Variants in SORL1 observed in about 807,000 individuals in gnomAD.
The protein encoded by SORL1 is sortilin-related receptor.
Under a neutral mutation model 273.7 loss-of-function variants are expected in SORL1, and 127 were observed. The ratio of observed to expected loss-of-function variants is 0.46; its 90% confidence interval spans 0.40 to 0.54. The LOEUF (loss-of-function observed/expected upper bound fraction) is 0.54. SORL1 is among the 20% of genes least tolerant of loss of function. The pLI is 0.00. For synonymous variants in SORL1, 1,031 were observed against 1,067.4 expected (o/e 0.97, Z 0.66); for missense variants, 2,494 against 2,846.1 (o/e 0.88, Z 2.81).
Position 121,604,254 on chromosome 11 carries a change from C to T in SORL1, c.4581C>T (p.Cys1527=). 2 of 1,614,110 alleles carry T rather than the reference C, an allele frequency of 1.2e-6. No individual in the cohort carries two copies. Among genetic ancestry groups the T allele is most frequent in the South Asian group, 2.2e-5 (2 of 91,086 alleles). ...REFQCEDGEA[C]IVLSERCDGF... is the part of the protein sequence containing the mutation. ...TCCAGTGCGAGGACGGGGAGGCCTG[C>T]ATTGTGCTCTCGGAGCGCTGCGACG... Residue 1527 remains cysteine (C), a synonymous_variant, in exon 33 of 48, where the codon TGC becomes TGT. Coordinates refer to ENST00000260197, the MANE Select transcript of SORL1 (RefSeq NM_003105.6).
At chr11:121,496,594 T>C (rs1861632255) in intron 5 of SORL1, among the ~76,000 whole-genome samples, 1 of 152,240 alleles carries the variant, frequency 6.6e-6, no homozygotes, top group Non-Finnish European at 1.5e-5. Context: ...TATCTTGTAC[T>C]ACTACTTTTT....
intron 23 of SORL1, among the ~76,000 whole-genome samples, chr11:121,570,660 C>T (rs893233922): frequency 1.3e-5 from 2 of 152,082 alleles, no homozygotes; most frequent in African/African-American, 4.8e-5. Context: ...AATATTCAGC[C>T]TTTTTAGGGA....
Position 121,498,681 on chromosome 11 carries a change from G to A in SORL1, c.939+1632G>A, listed in dbSNP as rs569009390. Among the ~76,000 whole-genome samples the A allele has an allele frequency of 6.6e-5, 10 of 152,188 alleles. No individual in the cohort carries two copies. The East Asian group carries it at 1.9e-3, about 29-fold the overall frequency. ...ACTTGAGGTCAGTAGTTTGAGACGA[G>A]CCTGGTCAACATGGTGAAACCCCGT... On this transcript the variant is annotated intron_variant, in intron 6 of 47. Transcript: ENST00000260197.
chr11:121,625,867 C>A (rs1036758471), intron 46 of SORL1, among the ~76,000 whole-genome samples: 5 of 152,116 alleles, frequency 3.3e-5, no homozygotes, highest in African/African-American at 7.2e-5. Context: ...AGGATTTCAA[C>A]AAATGTTTTG....
At chr11:121,494,788 G>A (rs1861603406) in intron 5 of SORL1, among the ~76,000 whole-genome samples, 1 of 152,004 alleles carries the variant, frequency 6.6e-6, no homozygotes, top group Admixed American at 6.6e-5. Context: ...ATAGAGGTGA[G>A]CTGGGTCTCA....
At chr11:121,497,137 C>A in intron 6 of SORL1, 88 bp downstream of exon 6, 1 of 1,113,356 alleles carries the variant, frequency 9.0e-7, no homozygotes, top group Non-Finnish European at 1.3e-6. Flanking sequence ...AGTTTGCATA[C>A]ACAGGAATTG....
In SORL1 at chr11:121,478,150, C is replaced by G; in HGVS notation, c.435C>G (p.Phe145Leu). The change falls in exon 3 of 48, where the codon TTC (phenylalanine) becomes TTG (leucine). Residue 145 changes from phenylalanine (F) to leucine (L), a missense_variant. Transcript: ENST00000260197. The part of the protein sequence containing the change: ...VYVSYDYGKS[F>L]KKISDKLNFG... ...TGTCTTACGACTATGGAAAATCATT[C>G]AAGAAAATTTCAGACAAGTTAAACT... is the stretch of plus-strand genomic sequence containing the variant. 2 of 1,612,460 alleles carry G rather than the reference C, an allele frequency of 1.2e-6. No individual in the cohort carries two copies. Among genetic ancestry groups the G allele is most frequent in the Non-Finnish European group, 1.7e-6 (2 of 1,179,260 alleles).
At chr11:121,479,159 T>C (rs1861331835) in intron 3 of SORL1, among the ~76,000 whole-genome samples, 1 of 152,174 alleles carries the variant, frequency 6.6e-6, no homozygotes, top group African/African-American at 2.4e-5. Flanking sequence ...GGGGGCTTTG[T>C]TTCTTCAGTT....
Position 121,514,252 on chromosome 11 carries a change from A to C in SORL1, c.1142A>C (p.Lys381Thr), listed in dbSNP as rs1261478247. 1.9e-6 allele frequency: 3 copies of C among 1,614,212 alleles called. No homozygotes were observed. The highest frequency in any genetic ancestry group is 2.2e-5 in the South Asian group (2 of 91,092). ...TACATCTCAGAGGCAGAGGGGCTGA[A>C]GTTCTCCCTGTCCTTGGAGAACGTG... ...NLYISEAEGLKFSLSLENVLY... is the reference protein window; with the variant it reads ...NLYISEAEGLTFSLSLENVLY... The change falls in exon 8 of 48, where the codon AAG becomes ACG. Residue 381 changes from lysine to threonine, a missense_variant. Physicochemically the swap from Lys to Thr is moderately conservative, Grantham distance 78. Coordinates refer to ENST00000260197, the MANE Select transcript of SORL1 (RefSeq NM_003105.6).
chr11:121,582,157 C>T (rs1235382485), intron 25 of SORL1, among the ~76,000 whole-genome samples: 2 of 152,210 alleles, frequency 1.3e-5, no homozygotes, highest in Admixed American at 1.3e-4. Flanking sequence ...TGAGCTACCA[C>T]TTGTTTTAAA....
At chr11:121,594,969 G>C (rs1009138655) in intron 31 of SORL1, among the ~76,000 whole-genome samples, 2 of 152,148 alleles carry the variant, frequency 1.3e-5, no homozygotes, top group Non-Finnish European at 2.9e-5. Flanking sequence ...TAGGATCCTC[G>C]GAGAAGAGGA....
chr11:121,605,710 T>G (rs1028567729), intron 35 of SORL1, 139 bp downstream of exon 35: 3 of 683,390 alleles, frequency 4.4e-6, no homozygotes, highest in Non-Finnish European at 7.6e-6. Context: ...AGCTTTATAG[T>G]CTTGCCAGAG....
intron 3 of SORL1, among the ~76,000 whole-genome samples, chr11:121,478,528 A>G (rs1219933888): frequency 6.6e-6 from 1 of 152,214 alleles, no homozygotes; most frequent in African/African-American, 2.4e-5. Flanking sequence ...ACCTTGCCCG[A>G]CTTGCAGATG....
rs1244949903 is a variant in SORL1, at chr11:121,604,405, T to G, written c.4651+81T>G. On this transcript the variant is annotated intron_variant, in intron 33 of 47. Coordinates refer to ENST00000260197, the MANE Select transcript of SORL1 (RefSeq NM_003105.6). ...CCCCAGGGCCCCTCCTGTGTAGACCTTGAGCTAGGACCCTTTTGAACTGTT... is the reference window on the plus strand; with the variant it reads ...CCCCAGGGCCCCTCCTGTGTAGACCGTGAGCTAGGACCCTTTTGAACTGTT... 2.0e-6 allele frequency: 3 copies of G among 1,529,454 alleles called. No individual in the cohort carries two copies. In the Admixed American group the frequency reaches 5.6e-5, roughly 29 times the overall value. 94.7% of individuals were successfully genotyped at this position (1,529,454 alleles called of 1,614,324 possible). A position where few individuals can be genotyped will look rare whatever the true frequency, so the allele number is the denominator to read the frequency against.
chr11:121,607,102 C>A, intron 36 of SORL1, 84 bp from the exon 37 acceptor site: 1 of 1,057,072 alleles, frequency 9.5e-7, no homozygotes, highest in Non-Finnish European at 1.5e-6. Context: ...ACCATCTTTT[C>A]TCTCCTCCAG....
chr11:121,587,107 GT>G (rs541730586), intron 27 of SORL1, among the ~76,000 whole-genome samples: 90 of 152,352 alleles, frequency 5.9e-4, no homozygotes, highest in Middle Eastern at 3.4e-3. Flanking sequence ...GACTTGAGCA[GT>G]TGTGACAGAG....
At chr11:121,489,995 A>G (rs1432666148) in intron 4 of SORL1, 48 bp from the exon 5 acceptor site, 2 of 1,364,100 alleles carry the variant, frequency 1.5e-6, no homozygotes, top group Middle Eastern at 1.8e-4. Flanking sequence ...GATGCCATTC[A>G]GGTTGTATTA....
chr11:121,607,989 A>G, intron 37 of SORL1, 115 bp from the exon 38 acceptor site: 2 of 865,446 alleles, frequency 2.3e-6, no homozygotes, highest in Non-Finnish European at 3.6e-6. Flanking sequence ...TCTGTATAAA[A>G]TTTTTCCAGC....
At chr11:121,598,791 G>A (rs1232803430) in intron 32 of SORL1, among the ~76,000 whole-genome samples, 1 of 152,156 alleles carries the variant, frequency 6.6e-6, no homozygotes, top group Admixed American at 6.5e-5. Context: ...CCATGCATAG[G>A]TTTTTCTCCT....
Sources: gnomAD v4.1 joint callset for allele counts (sites outside exome capture counted in the v4.1 genomes callset) on GRCh38, gnomAD v4.1.1 for gene constraint, MANE v1.5 for transcripts, NCBI Gene and HGNC (gene_info 2026-07-23, HGNC 2026-07-21) for gene names.